The following KANK1 variants were observed in gnomAD, a reference collection of about 807,000 sequenced individuals.
The protein encoded by KANK1 is KN motif and ankyrin repeat domains 1.
A neutral mutation model predicts 106.2 loss-of-function variants in KANK1; 109 were observed. That is an observed-to-expected ratio of 1.03 (90% CI 0.88 to 1.20). The LOEUF (loss-of-function observed/expected upper bound fraction) is 1.20. Among genes scored for constraint, KANK1 ranks in the 50% most tolerant of loss-of-function variants. The pLI, the probability that KANK1 is intolerant of heterozygous loss-of-function variation, is 0.00. For synonymous variants in KANK1, 873 were observed against 652.2 expected, an observed-to-expected ratio of 1.34 and a Z score of -5.16; for missense variants, 2,399 against 1,710.7, an observed-to-expected ratio of 1.40 and a Z score of -7.10.
intron 1 of KANK1, among the ~76,000 whole-genome samples, chr9:573,427 G>C (rs960193269): frequency 6.6e-6 from 1 of 152,036 alleles, no homozygotes; most frequent in Non-Finnish European, 1.5e-5. Flanking sequence ...CCGCCACCAC[G>C]CGTGGCTAAT....
chr9:663,274 A>G (rs1165660626), intron 1 of KANK1, among the ~76,000 whole-genome samples: 2 of 152,214 alleles, frequency 1.3e-5, no homozygotes, highest in African/African-American at 2.4e-5. Context: ...TAATGCTTAA[A>G]TAGGTAAAAG....
chr9:522,702 T>A lies in KANK1; in HGVS notation c.-84+17948T>A, dbSNP rs1008651694. ...GCTGACTTTTGGGTTTTTAAGTTGG[T>A]ATTTTCTGATGAGTGACTTTGGTAT... On this transcript the variant is annotated intron_variant, in intron 1 of 11. Transcript: ENST00000382297. 4.0e-5 allele frequency among the ~76,000 whole-genome samples: 6 copies of A among 151,658 alleles called. 1 individual carries two copies. The highest frequency in any genetic ancestry group is 1.5e-4 in the African/African-American group (6 of 40,944).
At chr9:658,097 A>G (rs190270334) in intron 1 of KANK1, among the ~76,000 whole-genome samples, 2 of 152,264 alleles carry the variant, frequency 1.3e-5, no homozygotes, top group East Asian at 1.9e-4. Flanking sequence ...AGGGTTGGTT[A>G]TATCTTCAAT....
intron 1 of KANK1, among the ~76,000 whole-genome samples, chr9:634,094 A>T (rs6477055): frequency 0.39 from 59,209 of 152,136 alleles, 11,755 homozygotes; most frequent in Middle Eastern, 0.4. Flanking sequence ...CACAAAGCCA[A>T]TTCACTGAGA....
At chr9:595,599 T>C (rs567541904) in intron 1 of KANK1, among the ~76,000 whole-genome samples, 1 of 151,998 alleles carries the variant, frequency 6.6e-6, no homozygotes, top group Non-Finnish European at 1.5e-5. Flanking sequence ...GATCATTGCT[T>C]ACTGAAGCCT....
chr9:581,689 A>G (rs1588008374), intron 1 of KANK1, among the ~76,000 whole-genome samples: 2 of 152,118 alleles, frequency 1.3e-5, no homozygotes, highest in African/African-American at 4.8e-5. Context: ...TTATTCTTGG[A>G]TTTCTTTCCC....
chr9:734,899 A>C (rs1259307172), intron 7 of KANK1, 64 bp downstream of exon 7: 10 of 1,208,560 alleles, frequency 8.3e-6, no homozygotes, highest in Non-Finnish European at 2.5e-6. Flanking sequence ...TTCATTGTCA[A>C]GGCCAGCTGT....
intron 1 of KANK1, among the ~76,000 whole-genome samples, chr9:579,882 A>G (rs1346556184): frequency 6.6e-6 from 1 of 152,178 alleles, no homozygotes; most frequent in African/African-American, 2.4e-5. Context: ...ACAGTGAATC[A>G]GTCCTGGATT....
At chr9:655,695 T>C (rs1458739258) in intron 1 of KANK1, among the ~76,000 whole-genome samples, 2 of 152,216 alleles carry the variant, frequency 1.3e-5, no homozygotes, top group African/African-American at 2.4e-5. Context: ...ACACACAGTT[T>C]TTATATATTT....
Position 606,735 on chromosome 9 carries a change from A to T in KANK1, c.-83-70155A>T, listed in dbSNP as rs955498168. On this transcript the variant is annotated intron_variant, in intron 1 of 11. Transcript: ENST00000382297. ...CAAAGGAAGATTAAAGCTTTTTAAA[A>T]AGTAGAATTTTTATCTGTTTGTGGA... Among the ~76,000 whole-genome samples, 12 of 151,546 alleles carry T rather than the reference A, an allele frequency of 7.9e-5. 1 individual carries two copies. Among genetic ancestry groups the T allele is most frequent in the African/African-American group, 2.9e-4 (12 of 40,950 alleles).
At chr9:677,075 C>A (rs1351837989) in intron 2 of KANK1, 66 bp downstream of exon 2, 1 of 1,422,092 alleles carries the variant, frequency 7.0e-7, no homozygotes, top group African/African-American at 1.4e-5. Flanking sequence ...TTTTTATTCT[C>A]TTTAATAATG....
At chr9:721,566 A>G (rs1406099128) in intron 3 of KANK1, among the ~76,000 whole-genome samples, 4 of 152,240 alleles carry the variant, frequency 2.6e-5, no homozygotes, top group African/African-American at 7.2e-5. Flanking sequence ...CAGAGAGAGA[A>G]AAATTATGTT....
At chr9:534,707 C>G (rs578180707) in intron 1 of KANK1, among the ~76,000 whole-genome samples, 1 of 152,296 alleles carries the variant, frequency 6.6e-6, no homozygotes, top group African/African-American at 2.4e-5. Flanking sequence ...TGTAAAGAGA[C>G]AGAAAGGATC....
chr9:474,011 A>T (rs573631576), intron 3 of KANK1, among the ~76,000 whole-genome samples: 1 of 152,294 alleles, frequency 6.6e-6, no homozygotes, highest in African/African-American at 2.4e-5. Context: ...ATTAATTTCA[A>T]CATTAGACTC....
intron 2 of KANK1, among the ~76,000 whole-genome samples, chr9:708,659 C>G (rs758922657): frequency 5.3e-5 from 8 of 152,092 alleles, no homozygotes; most frequent in Admixed American, 3.9e-4. Flanking sequence ...TTCACACTGT[C>G]GGGTGTAAAT....
chr9:486,917 C>G (rs546879104), intron 3 of KANK1, among the ~76,000 whole-genome samples: 1 of 152,130 alleles, frequency 6.6e-6, no homozygotes, highest in East Asian at 1.9e-4. Flanking sequence ...TTTATGTCTT[C>G]TTGCAGTAAA....
chr9:508,364 C>T (rs917000893), intron 1 of KANK1, among the ~76,000 whole-genome samples: 31 of 151,808 alleles, frequency 2.0e-4, no homozygotes, highest in African/African-American at 7.0e-4. Flanking sequence ...CTCGAACTCC[C>T]GACCTCAGGT....
At chr9:632,713 G>A (rs1336252123) in intron 1 of KANK1, among the ~76,000 whole-genome samples, 4 of 152,040 alleles carry the variant, frequency 2.6e-5, no homozygotes, top group Non-Finnish European at 4.4e-5. Flanking sequence ...TCTTTGAGAT[G>A]GAGTCTCTCT....
chr9:624,901 C>T (rs1833988543), intron 1 of KANK1, among the ~76,000 whole-genome samples: 1 of 152,214 alleles, frequency 6.6e-6, no homozygotes, highest in Admixed American at 6.5e-5. Flanking sequence ...AAGGGGTGTG[C>T]AGCCGGACAG....
Sources: allele counts gnomAD v4.1 joint callset (sites outside exome capture counted in the v4.1 genomes callset), GRCh38; gene constraint gnomAD v4.1.1; transcripts MANE v1.5; gene names NCBI Gene and HGNC (gene_info 2026-07-23, HGNC 2026-07-21).